ARFIP1: variants seen among roughly 807,000 people sequenced by gnomAD.
ARFIP1 encodes the protein ARF interacting protein 1.
ARFIP1 carries 24 observed loss-of-function variants against 42.5 expected under a neutral mutation model. The ratio of observed to expected loss-of-function variants is 0.57; its 90% confidence interval spans 0.41 to 0.80. The LOEUF is 0.80. ARFIP1 is among the 30% of genes least tolerant of loss of function. The probability of loss-of-function intolerance (pLI) is 0.00; values close to 1 mark genes in which losing one functional copy is unlikely to be tolerated. For synonymous variants in ARFIP1, 141 were observed against 153.7 expected, an observed-to-expected ratio of 0.92 and a Z score of 0.61; for missense variants, 354 against 434.0, an observed-to-expected ratio of 0.82 and a Z score of 1.64.
intron 2 of ARFIP1, among the ~76,000 whole-genome samples, chr4:152,847,121 G>GTTTTTTTT (rs1561139273): frequency 1.7e-4 from 8 of 48,176 alleles, no homozygotes; most frequent in African/African-American, 3.2e-4. Context: ...TTTTAGGTTT[G>GTTTTTTTT]TTCTTTTTTT....
At chr4:152,869,263 G>A (rs1186438922) in intron 3 of ARFIP1, among the ~76,000 whole-genome samples, 1 of 152,080 alleles carries the variant, frequency 6.6e-6, no homozygotes, top group Non-Finnish European at 1.5e-5. Context: ...CTTAATGCAT[G>A]TATTTTTTCC....
chr4:152,902,219 A>T (rs1000592931), intron 8 of ARFIP1, among the ~76,000 whole-genome samples: 6 of 152,180 alleles, frequency 3.9e-5, no homozygotes, highest in Admixed American at 3.3e-4. Flanking sequence ...AGACTGTACA[A>T]GGCCAAATGT....
chr4:152,890,836 A>G (rs1429133100), intron 8 of ARFIP1, among the ~76,000 whole-genome samples: 1 of 152,220 alleles, frequency 6.6e-6, no homozygotes, highest in Non-Finnish European at 1.5e-5. Flanking sequence ...TAATGTTATT[A>G]GTACTATTAA....
rs1314200648 is a variant in ARFIP1, at chr4:152,833,951, A to T, written c.93+4225A>T. Among the ~76,000 whole-genome samples the T allele has an allele frequency of 2.0e-5, 3 of 152,212 alleles. No individual in the cohort carries two copies. In the East Asian group the frequency reaches 5.8e-4, roughly 29 times the overall value. On this transcript the variant is annotated intron_variant, in intron 2 of 8. Coordinates refer to ENST00000353617, the MANE Select transcript of ARFIP1 (RefSeq NM_001025595.3). ...AAAGAAGAATTTTGTTTTGGCTCAC[A>T]GTTCTGCAGGCTGTGCAGGAAGTAT...
intron 3 of ARFIP1, among the ~76,000 whole-genome samples, chr4:152,867,435 A>G (rs1019097315): frequency 6.6e-6 from 1 of 152,052 alleles, no homozygotes; most frequent in African/African-American, 2.4e-5. Context: ...CAGTGAGCCG[A>G]GATGGCAGCA....
At chr4:152,782,728 G>C (rs1457334658) in intron 1 of ARFIP1, among the ~76,000 whole-genome samples, 1 of 152,170 alleles carries the variant, frequency 6.6e-6, no homozygotes, top group African/African-American at 2.4e-5. Context: ...CATTCTGTAT[G>C]AGATATTTTA....
At chr4:152,781,343 C>T (rs1268180720) in intron 1 of ARFIP1, among the ~76,000 whole-genome samples, 1 of 145,958 alleles carries the variant, frequency 6.9e-6, no homozygotes, top group Non-Finnish European at 1.5e-5. Context: ...TCAAGCTTTT[C>T]TCCTGTCTCA....
At chr4:152,882,576 T>G (rs1457880287) in intron 6 of ARFIP1, 147 bp from the exon 7 acceptor site, 1 of 872,958 alleles carries the variant, frequency 1.1e-6, no homozygotes, top group Non-Finnish European at 1.7e-6. Context: ...GTGATTTCGA[T>G]TCTTAAAGAC....
rs563876363 is a variant in ARFIP1, at chr4:152,811,257, C to T, written c.-9-18368C>T. On this transcript the variant is annotated intron_variant, in intron 1 of 8. Transcript: ENST00000353617. ...TTACTTAATTTCCTCAAGTATTATC[C>T]GATATGTTTCTTAATATTATAGATG... Among the ~76,000 whole-genome samples, 7 of 151,936 alleles carry T rather than the reference C, an allele frequency of 4.6e-5. No individual in the cohort carries two copies. The East Asian group carries it at 7.7e-4, about 17-fold the overall frequency.
chr4:152,795,814 C>A (rs1731412595), intron 1 of ARFIP1, among the ~76,000 whole-genome samples: 1 of 35,158 alleles, frequency 2.8e-5, no homozygotes, highest in Admixed American at 4.0e-4. Flanking sequence ...CTTGAGGGCC[C>A]TTGTAATTTT....
chr4:152,840,599 A>G (rs1375804007), intron 2 of ARFIP1, among the ~76,000 whole-genome samples: 1 of 152,156 alleles, frequency 6.6e-6, no homozygotes, highest in African/African-American at 2.4e-5. Flanking sequence ...GCATTGGCAT[A>G]AAATGCCTTT....
chr4:152,896,285 A>G (rs1172396890), intron 8 of ARFIP1, among the ~76,000 whole-genome samples: 1 of 152,220 alleles, frequency 6.6e-6, no homozygotes, highest in Non-Finnish European at 1.5e-5. Flanking sequence ...CAAAGGTGAA[A>G]TAACATAGGT....
chr4:152,833,913 C>G (rs1324881550), intron 2 of ARFIP1, among the ~76,000 whole-genome samples: 1 of 151,676 alleles, frequency 6.6e-6, no homozygotes, highest in Admixed American at 6.6e-5. Context: ...ATACCTGAGG[C>G]TAGGTAATTT....
At chr4:152,891,261 T>G (rs1736824159) in intron 8 of ARFIP1, among the ~76,000 whole-genome samples, 2 of 152,240 alleles carry the variant, frequency 1.3e-5, no homozygotes. Flanking sequence ...TTCTTTGTTT[T>G]GGCTTTCCAC....
At chr4:152,820,485 A>G (rs1730281144) in intron 1 of ARFIP1, among the ~76,000 whole-genome samples, 1 of 152,168 alleles carries the variant, frequency 6.6e-6, no homozygotes, top group South Asian at 2.1e-4. Context: ...TGAAGAAAAG[A>G]GGCTTAATTG....
At chr4:152,827,085 A>C (rs1561125948) in intron 1 of ARFIP1, among the ~76,000 whole-genome samples, 1 of 152,140 alleles carries the variant, frequency 6.6e-6, no homozygotes, top group East Asian at 1.9e-4. Flanking sequence ...AAAGTTTTGG[A>C]GATTGATTGC....
At chr4:152,861,208 A>G (rs1174374760) in intron 2 of ARFIP1, among the ~76,000 whole-genome samples, 1 of 152,194 alleles carries the variant, frequency 6.6e-6, no homozygotes, top group Middle Eastern at 3.2e-3. Flanking sequence ...ACCTAATCGT[A>G]ATATAGTCCC....
intron 1 of ARFIP1, chr4:152,796,854 C>G: frequency 3.9e-6 from 2 of 517,436 alleles, no homozygotes; most frequent in East Asian, 3.4e-5. Context: ...TGCAGAGCAC[C>G]CAGAAGCAGC....
intron 1 of ARFIP1, among the ~76,000 whole-genome samples, chr4:152,814,785 T>C (rs748786365): frequency 9.9e-5 from 15 of 152,244 alleles, no homozygotes; most frequent in Non-Finnish European, 2.2e-4. Flanking sequence ...TGGCCACTGC[T>C]GGATGCACAG....
Sources: allele counts gnomAD v4.1 joint callset (sites outside exome capture counted in the v4.1 genomes callset), GRCh38; gene constraint gnomAD v4.1.1; transcripts MANE v1.5; gene names NCBI Gene and HGNC (gene_info 2026-07-23, HGNC 2026-07-21).